XKR4: variants seen among roughly 807,000 people sequenced by gnomAD.
XKR4 encodes the protein XK related 4.
In XKR4, 12 loss-of-function variants were observed where a neutral mutation model predicts 53.9. That is an observed-to-expected ratio of 0.22 (90% confidence interval 0.14 to 0.36). The LOEUF is 0.36. XKR4 is among the 10% of genes least tolerant of loss of function. The pLI is 1.00. For synonymous variants in XKR4, 354 were observed against 362.4 expected (o/e 0.98, Z 0.26); for missense variants, 799 against 859.5 (o/e 0.93, Z 0.88).
intron 1 of XKR4, among the ~76,000 whole-genome samples, chr8:55,274,708 C>T (rs1156732089): frequency 1.3e-5 from 2 of 152,166 alleles, no homozygotes; most frequent in Admixed American, 6.6e-5. Context: ...ACTAGGATTA[C>T]AGGCATGAGC....
intron 1 of XKR4, among the ~76,000 whole-genome samples, chr8:55,222,445 A>G (rs1021970940): frequency 6.6e-5 from 10 of 152,218 alleles, no homozygotes; most frequent in African/African-American, 1.2e-4. Context: ...AGCCACTGAC[A>G]TTCAGCCATG....
chr8:55,471,651 A>C (rs1805885891), intron 2 of XKR4, among the ~76,000 whole-genome samples: 1 of 152,170 alleles, frequency 6.6e-6, no homozygotes, highest in African/African-American at 2.4e-5. Context: ...TCTCATGCTG[A>C]AATGTGATGC....
At chr8:55,171,620 C>T (rs968191785) in intron 1 of XKR4, among the ~76,000 whole-genome samples, 19 of 152,062 alleles carry the variant, frequency 1.2e-4, no homozygotes, top group African/African-American at 4.6e-4. Context: ...AAGATGAATC[C>T]CTTCACCCTT....
At chr8:55,238,247 A>AAT (rs976701828) in intron 1 of XKR4, among the ~76,000 whole-genome samples, 31 of 152,340 alleles carry the variant, frequency 2.0e-4, no homozygotes, top group Admixed American at 1.7e-3. Flanking sequence ...CTAAGCATGC[A>AAT]GCTTTCATCT....
intron 2 of XKR4, among the ~76,000 whole-genome samples, chr8:55,407,820 T>C (rs1178327900): frequency 1.3e-5 from 2 of 152,286 alleles, no homozygotes; most frequent in African/African-American, 2.4e-5. Context: ...ATGGGGATTT[T>C]TGCTTTTATT....
intron 1 of XKR4, among the ~76,000 whole-genome samples, chr8:55,356,673 G>A (rs552658680): frequency 7.2e-5 from 11 of 152,118 alleles, no homozygotes; most frequent in African/African-American, 1.7e-4. Context: ...TGTGATGCCC[G>A]GGGTTTGCTT....
At position 55,524,665 on chromosome 8, in the gene XKR4, C is replaced by T. The variant is rs1411713473; in HGVS notation, c.*438C>T. ...TCCTCTGTCAAAAAAGCTTAGGTGA[C>T]TTTTCTTGATGCAAAGCTCTGATTC... On this transcript the variant is annotated 3_prime_UTR_variant, in exon 3 of 3. Coordinates refer to ENST00000327381, the MANE Select transcript of XKR4 (RefSeq NM_052898.2). The T allele has an allele frequency of 6.4e-6, 1 of 155,940 alleles. No individual in the cohort carries two copies. The highest frequency in any genetic ancestry group is 2.4e-5 in the African/African-American group (1 of 41,598). 9.7% of individuals were successfully genotyped at this position (155,940 alleles called of 1,614,324 possible).
At chr8:55,485,663 T>C (rs953446365) in intron 2 of XKR4, among the ~76,000 whole-genome samples, 1 of 152,116 alleles carries the variant, frequency 6.6e-6, no homozygotes, top group African/African-American at 2.4e-5. Flanking sequence ...CCTCCGAAAG[T>C]GCTGGGATTA....
chr8:55,395,490 G>A (rs1429256524), intron 2 of XKR4, among the ~76,000 whole-genome samples: 2 of 152,112 alleles, frequency 1.3e-5, no homozygotes, highest in Non-Finnish European at 2.9e-5. Flanking sequence ...TCAAACAGAA[G>A]GCTGGGGAAG....
In XKR4 at chr8:55,108,164, C is replaced by G. The variant is rs1816179188; in HGVS notation, c.806+4870C>G. On this transcript the variant is annotated intron_variant, in intron 1 of 2. Coordinates refer to ENST00000327381, the MANE Select transcript of XKR4 (RefSeq NM_052898.2). ...CTTTCTGAGTAAAGTGGGACATTGA[C>G]TTTAGAGCCCTGGATGCAATGTGTA... Among the ~76,000 whole-genome samples the G allele has an allele frequency of 2.0e-5, 3 of 152,070 alleles. No individual in the cohort carries two copies. In the South Asian group the frequency reaches 6.2e-4, roughly 31 times the overall value.
rs146778470 is a variant in XKR4 at position 55,472,951 on chromosome 8, C to T, written c.1007-50330C>T. Reference sequence around the variant, plus strand: ...TTTTTATACTTTCCCTACCCAGGGCCTCAGCATAAGTATGGCATAAAGGGG... The same window carrying T: ...TTTTTATACTTTCCCTACCCAGGGCTTCAGCATAAGTATGGCATAAAGGGG... On this transcript the variant is annotated intron_variant, in intron 2 of 2. Transcript: ENST00000327381. 1.2e-4 allele frequency among the ~76,000 whole-genome samples: 19 copies of T among 152,178 alleles called. No individual in the cohort carries two copies. The East Asian group carries it at 3.7e-3, about 29-fold the overall frequency.
At chr8:55,228,439 C>G (rs1338543116) in intron 1 of XKR4, among the ~76,000 whole-genome samples, 1 of 152,190 alleles carries the variant, frequency 6.6e-6, no homozygotes, top group Non-Finnish European at 1.5e-5. Flanking sequence ...CAGATTTTAA[C>G]TTAGAATCCT....
chr8:55,139,984 T>G (rs1024216894), intron 1 of XKR4: 1 of 244,634 alleles, frequency 4.1e-6, no homozygotes, highest in Non-Finnish European at 8.2e-6. Flanking sequence ...ATCATTGCTT[T>G]TCCACTTTAA....
chr8:55,324,956 G>C (rs1345929217), intron 1 of XKR4, among the ~76,000 whole-genome samples: 1 of 152,006 alleles, frequency 6.6e-6, no homozygotes, highest in East Asian at 1.9e-4. Flanking sequence ...ATTCTACAGG[G>C]TCACTGATTG....
rs1585624418 is a variant in XKR4 at position 55,538,620 on chromosome 8, A to T, written c.*14393A>T. 1.3e-5 allele frequency: 2 copies of T among 152,318 alleles called. No homozygotes were observed. Among genetic ancestry groups the T allele is most frequent in the Admixed American group, 1.3e-4 (2 of 15,304 alleles). The allele number at this position is 152,318 out of a possible 1,614,324, so 9.4% of individuals were successfully genotyped here. A position where few individuals can be genotyped will look rare whatever the true frequency, so the allele number is the denominator to read the frequency against. On this transcript the variant is annotated 3_prime_UTR_variant, in exon 3 of 3. Transcript: ENST00000327381. ...CCTGTTAACCAAACTGAATTTTATT[A>T]AATGTTTATTAAAATGCACCCAGAA...
intron 2 of XKR4, among the ~76,000 whole-genome samples, chr8:55,426,892 T>G (rs1465061037): frequency 1.3e-5 from 2 of 152,232 alleles, no homozygotes; most frequent in African/African-American, 4.8e-5. Context: ...ATAAAATTGA[T>G]TTTTAAATAT....
chr8:55,383,278 G>A (rs139205923), intron 2 of XKR4, among the ~76,000 whole-genome samples: 4 of 152,260 alleles, frequency 2.6e-5, no homozygotes, highest in East Asian at 3.9e-4. Flanking sequence ...CATTTGATGC[G>A]GCCTTTGCAA....
At chr8:55,509,876 G>T (rs1316818927) in intron 2 of XKR4, among the ~76,000 whole-genome samples, 2 of 152,196 alleles carry the variant, frequency 1.3e-5, no homozygotes, top group Non-Finnish European at 2.9e-5. Flanking sequence ...AGTTCATAGT[G>T]CTCCTGGTTA....
intron 2 of XKR4, among the ~76,000 whole-genome samples, chr8:55,492,816 T>C (rs1806290557): frequency 6.6e-6 from 1 of 152,246 alleles, no homozygotes; most frequent in Non-Finnish European, 1.5e-5. Context: ...GATTTACAGA[T>C]GATGTATTGC....
Sources: gnomAD v4.1 joint callset for allele counts (sites outside exome capture counted in the v4.1 genomes callset) on GRCh38, gnomAD v4.1.1 for gene constraint, MANE v1.5 for transcripts, NCBI Gene and HGNC (gene_info 2026-07-23, HGNC 2026-07-21) for gene names.